Variants in DENND5B observed in about 807,000 individuals in gnomAD.
DENND5B encodes DENN domain containing 5B.
Under a neutral mutation model 140.6 loss-of-function variants are expected in DENND5B, and 34 were observed. The ratio of observed to expected loss-of-function variants is 0.24; its 90% CI spans 0.18 to 0.32. The LOEUF is 0.32. Among genes scored for constraint, DENND5B ranks in the 10% least tolerant of loss-of-function variants. The probability of loss-of-function intolerance (pLI) is 1.00; values close to 1 mark genes in which losing one functional copy is unlikely to be tolerated. For missense variants in DENND5B, 1,142 were observed against 1,560.2 expected, an observed-to-expected ratio of 0.73 and a Z score of 4.52; for synonymous variants, 551 against 562.1, an observed-to-expected ratio of 0.98 and a Z score of 0.28.
Position 31,407,275 on chromosome 12 carries a change from C to T in DENND5B, c.2803+1988G>A, listed in dbSNP as rs1023567894. On this transcript the variant is annotated intron_variant, in intron 14 of 20. Coordinates refer to ENST00000389082, the MANE Select transcript of DENND5B (RefSeq NM_144973.4). ...CCTCCTGAGTAGCTGGGATTACAGG[C>T]GCCCACCACCACACCCAGCTAATTT... Among the ~76,000 whole-genome samples, 7 of 152,100 alleles carry T rather than the reference C, an allele frequency of 4.6e-5. 1 individual carries two copies. Among genetic ancestry groups the T allele is most frequent in the Admixed American group, 3.3e-4 (5 of 15,258 alleles).
At chr12:31,453,080 C>T (rs1378490580) in intron 4 of DENND5B, among the ~76,000 whole-genome samples, 1 of 152,170 alleles carries the variant, frequency 6.6e-6, no homozygotes, top group Admixed American at 6.6e-5. Context: ...TAGGATGAAA[C>T]TGGCAAAATC....
chr12:31,464,152 A>T (rs558301106), intron 3 of DENND5B, among the ~76,000 whole-genome samples: 1 of 152,308 alleles, frequency 6.6e-6, no homozygotes, highest in East Asian at 1.9e-4. Flanking sequence ...TTAATATTTA[A>T]GACAGGCCTC....
At chr12:31,539,688 T>C (rs539491640) in intron 1 of DENND5B, among the ~76,000 whole-genome samples, 12 of 152,076 alleles carry the variant, frequency 7.9e-5, no homozygotes, top group African/African-American at 2.7e-4. Context: ...CATCCCTTCA[T>C]AATAAAAACC....
chr12:31,587,190 T>A (rs1303714034), intron 1 of DENND5B, among the ~76,000 whole-genome samples: 1 of 152,146 alleles, frequency 6.6e-6, no homozygotes, highest in Non-Finnish European at 1.5e-5. Context: ...ATACCTACAG[T>A]CCAGATCTTC....
In DENND5B at chr12:31,387,699, G is replaced by T. The variant is rs1194043623; in HGVS notation, c.3729C>A (p.Asp1243Glu). ...GGATAAGGGAGTTGACAGTCATGCG[G>T]TCTCGCAGGAGAGCGCTCTCTTCAT... ...RMYEESALLR[D>E]RMTVNSLIRI... The change falls in exon 21 of 21, where the codon GAC (aspartate) becomes GAA (glutamate). Residue 1243 changes from aspartate (D) to glutamate (E), a missense_variant. Around this residue, in one of 5 missense-constraint regions of DENND5B, gnomAD observed 125 missense variants for 179.0 expected, o/e 0.70. Coordinates refer to ENST00000389082, the MANE Select transcript of DENND5B (RefSeq NM_144973.4). The T allele has an allele frequency of 1.9e-6, 3 of 1,614,078 alleles. No individual in the cohort carries two copies. Among genetic ancestry groups the T allele is most frequent in the Non-Finnish European group, 2.5e-6 (3 of 1,179,898 alleles).
intron 8 of DENND5B, among the ~76,000 whole-genome samples, chr12:31,429,860 C>A (rs549616031): frequency 4.6e-5 from 7 of 152,152 alleles, no homozygotes; most frequent in Middle Eastern, 3.4e-3. Context: ...GCGCGTGCTA[C>A]AACACCTGGC....
chr12:31,554,001 T>C (rs1949174256), intron 1 of DENND5B, among the ~76,000 whole-genome samples: 1 of 152,166 alleles, frequency 6.6e-6, no homozygotes, highest in Admixed American at 6.5e-5. Flanking sequence ...CACTGATGGG[T>C]CTTGACTCTT....
intron 13 of DENND5B, among the ~76,000 whole-genome samples, chr12:31,409,811 C>CT (rs1437788360): frequency 1.3e-5 from 2 of 151,566 alleles, no homozygotes; most frequent in Admixed American, 6.6e-5. Context: ...CCCATTATGT[C>CT]TTTTTTCCAG....
At chr12:31,467,077 A>C (rs1945301849) in intron 3 of DENND5B, among the ~76,000 whole-genome samples, 2 of 152,114 alleles carry the variant, frequency 1.3e-5, no homozygotes, top group Admixed American at 6.5e-5. Context: ...AGAGAAAAAA[A>C]CTTTTAACAT....
chr12:31,583,325 A>AGG (rs1950273105), intron 1 of DENND5B, among the ~76,000 whole-genome samples: 1 of 150,858 alleles, frequency 6.6e-6, no homozygotes, highest in Admixed American at 6.6e-5. Flanking sequence ...AGAGAGAGAA[A>AGG]AGAATGCCTA....
rs1169020878 is a variant in DENND5B at position 31,452,147 on chromosome 12, A to G, written c.1422T>C (p.Ser474=). ...CCTTGTCTTTTTCACCCAGAGAAGC[A>G]GAGAGGTCCATTTTTTCCACAGCCA... ...TGVAVEKMDL[S]ASLGEKDKDL... is the part of the protein sequence containing the mutation. Residue 474 remains serine (S), a synonymous_variant, in exon 5 of 21, where the codon TCT becomes TCC. Transcript: ENST00000389082. 1 of 1,614,002 alleles carries G rather than the reference A, an allele frequency of 6.2e-7. No individual in the cohort carries two copies. Among genetic ancestry groups the G allele is most frequent in the East Asian group, 2.2e-5 (1 of 44,886 alleles).
chr12:31,544,361 A>G (rs1297202562), intron 1 of DENND5B, among the ~76,000 whole-genome samples: 3 of 152,212 alleles, frequency 2.0e-5, no homozygotes, highest in Non-Finnish European at 4.4e-5. Flanking sequence ...AGCTCACTGT[A>G]GCCTCAACCT....
At chr12:31,388,176 C>A (rs1940938907) in intron 20 of DENND5B, among the ~76,000 whole-genome samples, 1 of 140,146 alleles carries the variant, frequency 7.1e-6, no homozygotes, top group African/African-American at 2.6e-5. Context: ...AGGCATGCCA[C>A]AGTATACTGA....
chr12:31,493,239 A>G (rs1946603090), intron 2 of DENND5B, among the ~76,000 whole-genome samples: 1 of 152,226 alleles, frequency 6.6e-6, no homozygotes, highest in African/African-American at 2.4e-5. Context: ...CTTTGGGCAA[A>G]TTACTTAACC....
At chr12:31,428,025 C>T (rs1028762000) in intron 8 of DENND5B, among the ~76,000 whole-genome samples, 3 of 152,246 alleles carry the variant, frequency 2.0e-5, no homozygotes, top group Admixed American at 1.3e-4. Context: ...ACCTTTGTGA[C>T]GAAAGGCAAA....
intron 8 of DENND5B, among the ~76,000 whole-genome samples, chr12:31,428,288 G>A (rs1164393064): frequency 6.6e-6 from 1 of 150,778 alleles, no homozygotes; most frequent in African/African-American, 2.4e-5. Context: ...GTTGCAATGA[G>A]CCAAGATCGT....
intron 1 of DENND5B, among the ~76,000 whole-genome samples, chr12:31,543,060 A>G (rs1013762277): frequency 6.6e-6 from 1 of 152,190 alleles, no homozygotes; most frequent in African/African-American, 2.4e-5. Context: ...CTAGCCAGGC[A>G]TGGTAGCCCA....
chr12:31,557,657 T>A (rs1043306713), intron 1 of DENND5B, among the ~76,000 whole-genome samples: 3 of 151,822 alleles, frequency 2.0e-5, no homozygotes, highest in Non-Finnish European at 4.4e-5. Flanking sequence ...ATAAGGTGAA[T>A]AGGAAGTTTA....
intron 1 of DENND5B, 185 bp downstream of exon 1, chr12:31,590,521 G>A: frequency 1.4e-6 from 1 of 721,682 alleles, no homozygotes; most frequent in Non-Finnish European, 2.0e-6. Flanking sequence ...CAGCCGCAAA[G>A]CCCGCACGCG....
Sources: gnomAD v4.1 joint callset for allele counts (sites outside exome capture counted in the v4.1 genomes callset) on GRCh38, gnomAD v4.1.1 for gene constraint, gnomAD v4.1.1 regional missense constraint, MANE v1.5 for transcripts, NCBI Gene and HGNC (gene_info 2026-07-23, HGNC 2026-07-21) for gene names.